EP400: variants seen among roughly 807,000 people sequenced by gnomAD.
The protein encoded by EP400 is E1A-binding protein p400.
In EP400, 105 loss-of-function variants were observed where a neutral mutation model predicts 354.1. The ratio of observed to expected loss-of-function variants is 0.30; its 90% CI spans 0.25 to 0.35. The LOEUF is 0.35. Ranked by LOEUF, EP400 falls within the 10% of genes least tolerant of loss-of-function variation. The probability of loss-of-function intolerance (pLI) is 1.00; values close to 1 mark genes in which losing one functional copy is unlikely to be tolerated. For synonymous variants in EP400, 1,646 were observed against 1,716.9 expected, an observed-to-expected ratio of 0.96 and a Z score of 1.02; for missense variants, 3,280 against 4,121.0, an observed-to-expected ratio of 0.80 and a Z score of 5.59.
At chr12:132,044,431 C>T (rs1895017152) in intron 35 of EP400, 120 bp downstream of exon 35, 1 of 1,380,380 alleles carries the variant, frequency 7.2e-7, no homozygotes, top group Admixed American at 2.7e-5. Flanking sequence ...GGAATTTTTA[C>T]TTCTCATATC....
chr12:131,952,750 C>T (rs975174717), intron 1 of EP400, among the ~76,000 whole-genome samples: 1 of 152,182 alleles, frequency 6.6e-6, no homozygotes, highest in African/African-American at 2.4e-5. Flanking sequence ...CTGTTCCCAG[C>T]CTGTTTCTTT....
Position 132,018,433 on chromosome 12 carries a change from C to T in EP400, c.4277+57C>T. 1 of 1,550,110 alleles carries T rather than the reference C, an allele frequency of 6.5e-7. No individual in the cohort carries two copies. The highest frequency in any genetic ancestry group is 8.7e-7 in the Non-Finnish European group (1 of 1,154,832). On this transcript the variant is annotated intron_variant, in intron 21 of 52. Coordinates refer to ENST00000389561, the MANE Select transcript of EP400 (RefSeq NM_015409.5). This position sits in a 1 kb window ranked among gnomAD's most constrained non-coding sequence, Gnocchi z 4.0. ...TGGCTCCCAGGGCCCCCACAGCTGA[C>T]CCAGGTCTATGCGTGGTGAAAAGAA...
chr12:131,964,344 A>G (rs1014736826), intron 2 of EP400, among the ~76,000 whole-genome samples: 9 of 152,244 alleles, frequency 5.9e-5, no homozygotes, highest in Admixed American at 1.3e-4. Context: ...GTGCATGCCT[A>G]TAATCCCGGC....
At chr12:131,985,460 C>A (rs1334391062) in intron 5 of EP400, among the ~76,000 whole-genome samples, 1 of 152,242 alleles carries the variant, frequency 6.6e-6, no homozygotes. Context: ...TGTGCTCTAG[C>A]GGTTCTGTCT....
intron 50 of EP400, chr12:132,069,267 G>A: frequency 1.8e-6 from 1 of 553,576 alleles, no homozygotes; most frequent in Non-Finnish European, 3.0e-6. Context: ...GCAACGGCCA[G>A]GCCTCCTGGA....
intron 2 of EP400, among the ~76,000 whole-genome samples, chr12:131,972,276 C>T (rs1320226866): frequency 4.0e-5 from 6 of 151,868 alleles, no homozygotes; most frequent in South Asian, 4.2e-4. Context: ...CCTCAGCCTC[C>T]GGAGTAGCTG....
rs1895244695 is a variant in EP400 at position 132,050,171 on chromosome 12, GC to G, written c.7201-150del. The stretch of plus-strand genomic sequence containing the variant: ...CTTAATGCCGCTGCTGTTGGGTTAT[GC>G]CTGAACTTGGAAAGAAGGCCCAGGA... On this transcript the variant is annotated intron_variant, in intron 39 of 52. Coordinates refer to ENST00000389561, the MANE Select transcript of EP400 (RefSeq NM_015409.5). This position sits in a 1 kb window ranked among gnomAD's most constrained non-coding sequence, Gnocchi z 4.8. The G allele has an allele frequency of 1.1e-6, 1 of 909,966 alleles. No individual in the cohort carries two copies. Among genetic ancestry groups the G allele is most frequent in the Non-Finnish European group, 1.6e-6 (1 of 606,774 alleles). The allele number at this position is 909,966 out of a possible 1,614,324, so 56.4% of individuals were successfully genotyped here. A position where few individuals can be genotyped will look rare whatever the true frequency, so the allele number is the denominator to read the frequency against.
chr12:131,989,190 T>TACAGGGC (rs1892953675), intron 7 of EP400, among the ~76,000 whole-genome samples: 1 of 152,160 alleles, frequency 6.6e-6, no homozygotes, highest in African/African-American at 2.4e-5. Flanking sequence ...GTGCAGCACC[T>TACAGGGC]ACAGGGCACA....
At chr12:132,061,656 G>A (rs1949138634) in intron 45 of EP400, among the ~76,000 whole-genome samples, 1 of 152,218 alleles carries the variant, frequency 6.6e-6, no homozygotes, top group South Asian at 2.1e-4. Context: ...TAGGCAAGAT[G>A]AAGGTAAGAT....
chr12:132,012,977 G>GATCTCGGTGGTCGCCGTATCATTAAAA, intron 16 of EP400, 32 bp from the exon 17 acceptor site: 1 of 1,544,428 alleles, frequency 6.5e-7, no homozygotes, highest in Admixed American at 1.9e-5. Flanking sequence ...AGTGGAGTGT[G>GATCTCGGTGGTCGCCGTATCATTAAAA]AAGGCACTGA....
intron 43 of EP400, 151 bp downstream of exon 43, chr12:132,053,748 C>G (rs1895387176): frequency 1.1e-6 from 1 of 917,890 alleles, no homozygotes; most frequent in African/African-American, 1.7e-5. Flanking sequence ...TGGGAAAAGG[C>G]TTAGTCTCAT....
intron 7 of EP400, 50 bp from the exon 8 acceptor site, chr12:131,989,914 C>T: frequency 6.3e-7 from 1 of 1,578,402 alleles, no homozygotes; most frequent in South Asian, 1.2e-5. Context: ...CCTTTTTTTT[C>T]CAGCATGACA....
chr12:132,058,569 C>T (rs1895590198), intron 45 of EP400, among the ~76,000 whole-genome samples: 3 of 151,994 alleles, frequency 2.0e-5, no homozygotes, highest in African/African-American at 7.2e-5. Flanking sequence ...CCTGGCTGGT[C>T]TTGAACTCCT....
chr12:132,010,861 G>T (rs904897299), intron 15 of EP400, among the ~76,000 whole-genome samples: 1 of 152,200 alleles, frequency 6.6e-6, no homozygotes, highest in Non-Finnish European at 1.5e-5. Flanking sequence ...AGAATCGCTT[G>T]AACCTGGGAG....
chr12:132,054,792 G>T lies in EP400; in HGVS notation c.7729-182G>T, dbSNP rs1012323564. 1.6e-4 allele frequency among the ~76,000 whole-genome samples: 24 copies of T among 151,974 alleles called. No individual in the cohort carries two copies. Among genetic ancestry groups the T allele is most frequent in the African/African-American group, 5.8e-4 (24 of 41,434 alleles). On this transcript the variant is annotated intron_variant, in intron 43 of 52. Coordinates refer to ENST00000389561, the MANE Select transcript of EP400 (RefSeq NM_015409.5). This position sits in a 1 kb window ranked among gnomAD's most constrained non-coding sequence, Gnocchi z 4.0. Reference sequence around the variant, plus strand: ...AGGGACAATGGGATAGGGGTGGAGGGACAGCAGGTAGACAGAGGGTGGGGG... The same window carrying T: ...AGGGACAATGGGATAGGGGTGGAGGTACAGCAGGTAGACAGAGGGTGGGGG...
chr12:132,057,660 A>G (rs1895557311), intron 45 of EP400, among the ~76,000 whole-genome samples: 1 of 152,192 alleles, frequency 6.6e-6, no homozygotes, highest in African/African-American at 2.4e-5. Context: ...CAGTTTTTCT[A>G]GTATGTGACT....
intron 2 of EP400, among the ~76,000 whole-genome samples, chr12:131,976,841 G>A (rs548304815): frequency 1.6e-3 from 249 of 152,140 alleles, no homozygotes; most frequent in Non-Finnish European, 2.3e-3. Flanking sequence ...TGTGTACATG[G>A]TTTAGGTGGA....
chr12:132,066,766 C>T lies in EP400; in HGVS notation c.8554-8C>T. The T allele has an allele frequency of 6.2e-7, 1 of 1,610,166 alleles. No homozygotes were observed. Among genetic ancestry groups the T allele is most frequent in the Non-Finnish European group, 8.5e-7 (1 of 1,178,672 alleles). Reference sequence around the variant, plus strand: ...TCTCTGGACTCTCCCATTATTTCTACTGTTTAGACCCGGGTTCCCACTTCT... The same window carrying T: ...TCTCTGGACTCTCCCATTATTTCTATTGTTTAGACCCGGGTTCCCACTTCT... On this transcript the variant is annotated splice_region_variant and splice_polypyrimidine_tract_variant and intron_variant, in intron 48 of 52. Coordinates refer to ENST00000389561, the MANE Select transcript of EP400 (RefSeq NM_015409.5).
rs565563222 is a variant in EP400, at chr12:132,052,714, C to T, written c.7395-432C>T. Among the ~76,000 whole-genome samples the T allele has an allele frequency of 7.9e-5, 12 of 151,992 alleles. No homozygotes were observed. In the South Asian group the frequency reaches 1.2e-3, roughly 16 times the overall value. On this transcript the variant is annotated intron_variant, in intron 41 of 52. Coordinates refer to ENST00000389561, the MANE Select transcript of EP400 (RefSeq NM_015409.5). The surrounding 1 kb of genome is among the most constrained non-coding windows in gnomAD (Gnocchi z 4.4). ...CTAATATTTATGGACCGCGGGCCTG[C>T]GCGGCGTGGAGCCTGGGCATTCTCG...
Sources: allele counts gnomAD v4.1 joint callset (sites outside exome capture counted in the v4.1 genomes callset), GRCh38; gene constraint gnomAD v4.1.1; non-coding constraint Gnocchi (gnomAD v3.1); transcripts MANE v1.5; gene names NCBI Gene and HGNC (gene_info 2026-07-23, HGNC 2026-07-21).